The following UTRN variants were observed in gnomAD, a reference collection of about 807,000 sequenced individuals.
The protein encoded by UTRN is utrophin, also known as dystrophin-related protein 1.
A neutral mutation model predicts 463.9 loss-of-function variants in UTRN; 283 were observed. That is an observed-to-expected ratio of 0.61 (90% CI 0.55 to 0.67). The LOEUF (loss-of-function observed/expected upper bound fraction) is 0.67. Among genes scored for constraint, UTRN ranks in the 30% least tolerant of loss-of-function variants. UTRN has a pLI of 0.00. For synonymous variants in UTRN, 1,442 were observed against 1,431.5 expected (o/e 1.01, Z -0.17); for missense variants, 3,922 against 4,084.3 (o/e 0.96, Z 1.08).
intron 18 of UTRN, among the ~76,000 whole-genome samples, chr6:144,453,486 T>C (rs1259580736): frequency 6.6e-6 from 1 of 152,210 alleles, no homozygotes; most frequent in Non-Finnish European, 1.5e-5. Context: ...TTCAATTCTT[T>C]TGACTCAAAC....
intron 52 of UTRN, among the ~76,000 whole-genome samples, chr6:144,687,633 G>A (rs1036516173): frequency 6.6e-6 from 1 of 152,054 alleles, no homozygotes; most frequent in East Asian, 1.9e-4. Context: ...GGTTTTTTCT[G>A]TTTAAAGAGG....
intron 2 of UTRN, chr6:144,398,882 T>C (rs978514388): frequency 2.6e-5 from 4 of 152,208 alleles, no homozygotes; most frequent in African/African-American, 9.6e-5. Context: ...TCAACTTGTA[T>C]TTAGCTTTTT....
chr6:144,666,977 GA>G (rs1347663510), intron 51 of UTRN, among the ~76,000 whole-genome samples: 1 of 152,090 alleles, frequency 6.6e-6, no homozygotes, highest in Non-Finnish European at 1.5e-5. Flanking sequence ...GTGAAACTTA[GA>G]AAACTATGCA....
intron 51 of UTRN, among the ~76,000 whole-genome samples, chr6:144,630,589 C>T (rs1776405875): frequency 6.6e-6 from 1 of 152,106 alleles, no homozygotes; most frequent in South Asian, 2.1e-4. Flanking sequence ...CAGTTACCTC[C>T]CACAATACGT....
At chr6:144,417,438 G>A (rs1265865413) in intron 3 of UTRN, among the ~76,000 whole-genome samples, 1 of 152,144 alleles carries the variant, frequency 6.6e-6, no homozygotes, top group African/African-American at 2.4e-5. Flanking sequence ...AGAAGATGAT[G>A]CTGTTTTTCT....
chr6:144,848,124 G>A (rs117319706), intron 74 of UTRN, among the ~76,000 whole-genome samples: 1,763 of 152,228 alleles, frequency 0.012, 13 homozygotes, highest in Non-Finnish European at 0.019. Flanking sequence ...ATTGGAAGCC[G>A]GGACTTTAGC....
intron 59 of UTRN, among the ~76,000 whole-genome samples, chr6:144,773,556 A>T: frequency 6.6e-6 from 1 of 152,254 alleles, no homozygotes; most frequent in East Asian, 1.9e-4. Flanking sequence ...AATTTACTTA[A>T]TCAAAGTTTT....
rs371832876 is a variant in UTRN, at chr6:144,517,971, G to T, written c.5541+1023G>T. Reference sequence around the variant, plus strand: ...TCAACATCCTTCTTAACTATTTCTTGTTCCTCACATATCTTCTCACATCAC... The same window carrying T: ...TCAACATCCTTCTTAACTATTTCTTTTTCCTCACATATCTTCTCACATCAC... On this transcript the variant is annotated intron_variant, in intron 39 of 74. Transcript: ENST00000367545. 1.1e-4 allele frequency among the ~76,000 whole-genome samples: 17 copies of T among 152,282 alleles called. No individual in the cohort carries two copies. In the South Asian group the frequency reaches 1.2e-3, roughly 11 times the overall value.
At position 144,751,924 on chromosome 6, in the gene UTRN, A is replaced by G. The variant is rs1387868671; in HGVS notation, c.8327A>G (p.Asp2776Gly). The stretch of plus-strand genomic sequence containing the variant: ...CTAAAGATGTCTCGCCAGCTAGATG[A>G]CCTTAATATGCGATGGAAACTTTTA... The part of the protein sequence containing the change: ...PSLKMSRQLD[D>G]LNMRWKLLQV... The change falls in exon 56 of 75, where the codon GAC becomes GGC. Residue 2776 changes from aspartate (D) to glycine (G), a missense_variant. By Grantham distance (94) the Asp-to-Gly change is moderately conservative. Transcript: ENST00000367545. The G allele has an allele frequency of 4.3e-6, 7 of 1,610,330 alleles. 1 individual carries two copies. The highest frequency in any genetic ancestry group is 3.3e-4 in the Middle Eastern group (2 of 6,058).
Position 144,291,775 on chromosome 6 carries a change from G to T in UTRN, c.-54G>T. 6.4e-7 allele frequency: 1 copy of T among 1,563,072 alleles called. No individual in the cohort carries two copies. The highest frequency in any genetic ancestry group is 8.7e-7 in the Non-Finnish European group (1 of 1,144,024). ...GCTGAACCATCGTAGGAAGTTGAAA[G>T]CCTTAGAAAGAGGACTTGGTAAAGT... On this transcript the variant is annotated 5_prime_UTR_variant, in exon 2 of 75. Transcript: ENST00000367545.
At chr6:144,459,617 C>T (rs1789208634) in intron 21 of UTRN, among the ~76,000 whole-genome samples, 1 of 151,758 alleles carries the variant, frequency 6.6e-6, no homozygotes, top group Admixed American at 6.6e-5. Flanking sequence ...TTTGTAGCTA[C>T]AGGATCTCAC....
chr6:144,847,801 G>A (rs1162326398), intron 74 of UTRN, among the ~76,000 whole-genome samples: 1 of 152,160 alleles, frequency 6.6e-6, no homozygotes, highest in Non-Finnish European at 1.5e-5. Flanking sequence ...GGTAGTTTTT[G>A]TGTGACTCAG....
intron 51 of UTRN, chr6:144,660,317 C>T (rs1259211772): frequency 1.5e-5 from 7 of 470,360 alleles, no homozygotes; most frequent in Admixed American, 1.2e-4. Context: ...TTTTTCCTTT[C>T]TTTCTTGCCT....
chr6:144,622,513 A>G (rs1301249663), intron 51 of UTRN, among the ~76,000 whole-genome samples: 1 of 152,078 alleles, frequency 6.6e-6, no homozygotes, highest in Non-Finnish European at 1.5e-5. Context: ...TCAAGAAAAG[A>G]TATAAGTATT....
intron 56 of UTRN, 42 bp from the exon 57 acceptor site, chr6:144,754,678 G>A: frequency 6.3e-7 from 1 of 1,589,898 alleles, no homozygotes; most frequent in Non-Finnish European, 8.6e-7. Flanking sequence ...TATTGTTTCG[G>A]AATCAAATTA....
intron 2 of UTRN, among the ~76,000 whole-genome samples, chr6:144,397,252 A>G (rs575303215): frequency 1.3e-5 from 2 of 152,184 alleles, no homozygotes; most frequent in South Asian, 2.1e-4. Context: ...CTTAAAAAAA[A>G]AAAATGTTCC....
chr6:144,608,054 A>G (rs1233668166), intron 51 of UTRN, among the ~76,000 whole-genome samples: 1 of 152,194 alleles, frequency 6.6e-6, no homozygotes, highest in Non-Finnish European at 1.5e-5. Flanking sequence ...TAACTTGGTT[A>G]GGCCATGGTA....
chr6:144,416,535 G>A (rs576349486), intron 3 of UTRN, among the ~76,000 whole-genome samples: 9 of 152,254 alleles, frequency 5.9e-5, no homozygotes, highest in Non-Finnish European at 8.8e-5. Flanking sequence ...TGTGCTGACC[G>A]TTCGCCTTTG....
At chr6:144,356,361 A>C (rs1562286925) in intron 2 of UTRN, among the ~76,000 whole-genome samples, 1 of 152,166 alleles carries the variant, frequency 6.6e-6, no homozygotes, top group Admixed American at 6.5e-5. Context: ...AATGTCTAAA[A>C]TGTCCTAAAA....
Sources: gnomAD v4.1 joint callset for allele counts (sites outside exome capture counted in the v4.1 genomes callset) on GRCh38, gnomAD v4.1.1 for gene constraint, MANE v1.5 for transcripts, NCBI Gene and HGNC (gene_info 2026-07-23, HGNC 2026-07-21) for gene names.